The following SNX9 variants were observed in gnomAD, a reference collection of about 807,000 sequenced individuals.
SNX9 encodes sorting nexin 9, also known as sorting nexin-9.
SNX9 carries 44 observed loss-of-function variants against 89.4 expected under a neutral mutation model. The observed-to-expected ratio is 0.49, with a 90% CI of 0.39 to 0.63. The LOEUF is 0.63. SNX9 is among the 30% of genes least tolerant of loss of function. The probability of loss-of-function intolerance (pLI) is 0.00; values close to 1 mark genes in which losing one functional copy is unlikely to be tolerated. For synonymous variants in SNX9, 236 were observed against 247.8 expected (o/e 0.95, Z 0.45); for missense variants, 578 against 736.1 (o/e 0.79, Z 2.49).
At chr6:157,941,482 G>A (rs550678944) in intron 17 of SNX9, among the ~76,000 whole-genome samples, 121 of 152,272 alleles carry the variant, frequency 7.9e-4, no homozygotes, top group African/African-American at 2.8e-3. Context: ...AAACAATAAC[G>A]AAAACTTAAA....
intron 1 of SNX9, among the ~76,000 whole-genome samples, chr6:157,838,812 G>A (rs1781635980): frequency 6.6e-6 from 1 of 152,176 alleles, no homozygotes; most frequent in Non-Finnish European, 1.5e-5. Flanking sequence ...TTCCCTGGTT[G>A]TACTCTAAAA....
At chr6:157,890,498 C>A (rs949948369) in intron 4 of SNX9, among the ~76,000 whole-genome samples, 1 of 152,150 alleles carries the variant, frequency 6.6e-6, no homozygotes, top group Non-Finnish European at 1.5e-5. Flanking sequence ...GTATATTGCT[C>A]CTGGGCCTAA....
intron 12 of SNX9, among the ~76,000 whole-genome samples, chr6:157,929,053 G>T (rs550560307): frequency 6.6e-6 from 1 of 152,098 alleles, no homozygotes; most frequent in Non-Finnish European, 1.5e-5. Context: ...CATCCATTTG[G>T]TAAGATGTTG....
intron 4 of SNX9, 107 bp from the exon 5 acceptor site, chr6:157,896,720 T>C (rs541672162): frequency 7.2e-4 from 885 of 1,234,730 alleles, no homozygotes; most frequent in Non-Finnish European, 7.5e-4. Flanking sequence ...TTTCTATTAA[T>C]TGTTTTTAGT....
At position 157,943,009 on chromosome 6, in the gene SNX9, T is replaced by C. The variant is rs1784074479; in HGVS notation, c.*171T>C. On this transcript the variant is annotated 3_prime_UTR_variant, in exon 18 of 18. Coordinates refer to ENST00000392185, the MANE Select transcript of SNX9 (RefSeq NM_016224.5). ...AGCCACCCTAAATGCGTCAGTTATT[T>C]AGGGATGGTCTTTTGTTCATTTCCG... is the stretch of plus-strand genomic sequence containing the variant. 2 of 559,898 alleles carry C rather than the reference T, an allele frequency of 3.6e-6. No homozygotes were observed. The highest frequency in any genetic ancestry group is 7.3e-5 in the Admixed American group (2 of 27,370). The allele number at this position is 559,898 out of a possible 1,614,324, so 34.7% of individuals were successfully genotyped here.
chr6:157,869,577 C>T (rs564271048), intron 2 of SNX9, among the ~76,000 whole-genome samples: 397 of 152,298 alleles, frequency 2.6e-3, no homozygotes, highest in Middle Eastern at 6.8e-3. Flanking sequence ...CTCCACCCTG[C>T]GCTTCCTGCC....
chr6:157,897,032 GC>G (rs781257878), intron 5 of SNX9, 34 bp downstream of exon 5: 2 of 1,373,332 alleles, frequency 1.5e-6, no homozygotes, highest in Non-Finnish European at 1.9e-6. Context: ...CACCCTGCCC[GC>G]CCATGGCTGA....
intron 1 of SNX9, among the ~76,000 whole-genome samples, chr6:157,853,276 G>C (rs1781947149): frequency 6.6e-6 from 1 of 151,942 alleles, no homozygotes; most frequent in Non-Finnish European, 1.5e-5. Flanking sequence ...GGTGACATTT[G>C]GCTTGTACAT....
At chr6:157,850,426 G>T (rs1335512984) in intron 1 of SNX9, among the ~76,000 whole-genome samples, 1 of 152,164 alleles carries the variant, frequency 6.6e-6, no homozygotes, top group Non-Finnish European at 1.5e-5. Flanking sequence ...CCTTTTTAAG[G>T]ATGTGACAGA....
At chr6:157,920,591 G>A (rs60058086) in intron 9 of SNX9, among the ~76,000 whole-genome samples, 4,555 of 152,250 alleles carry the variant, frequency 0.03, 221 homozygotes, top group African/African-American at 0.1. Flanking sequence ...AGTTCTTCAA[G>A]CATAAACACT....
chr6:157,919,656 T>C (rs1243554824), intron 9 of SNX9, among the ~76,000 whole-genome samples: 1 of 152,232 alleles, frequency 6.6e-6, no homozygotes, highest in Non-Finnish European at 1.5e-5. Flanking sequence ...TTGAAAATCC[T>C]TATAGAATCT....
At position 157,891,388 on chromosome 6, in the gene SNX9, C is replaced by G. The variant is rs769384674; in HGVS notation, c.301-5439C>G. Among the ~76,000 whole-genome samples the G allele has an allele frequency of 2.0e-5, 3 of 152,070 alleles. No homozygotes were observed. The East Asian group carries it at 5.8e-4, about 29-fold the overall frequency. ...TCACTTATTCTGTGATCGACCACAA[C>G]AAGTTAATTTTTTCAAAAAGACTCA... On this transcript the variant is annotated intron_variant, in intron 4 of 17. Coordinates refer to ENST00000392185, the MANE Select transcript of SNX9 (RefSeq NM_016224.5).
chr6:157,844,639 G>C (rs1781769889), intron 1 of SNX9, among the ~76,000 whole-genome samples: 1 of 145,044 alleles, frequency 6.9e-6, no homozygotes, highest in African/African-American at 2.6e-5. Context: ...TGTTGCCCAG[G>C]CTGGAGTGCA....
At chr6:157,936,087 GTCC>G (rs1783918893) in intron 14 of SNX9, 47 bp downstream of exon 14, 2 of 1,449,436 alleles carry the variant, frequency 1.4e-6, no homozygotes, top group African/African-American at 2.9e-5. Context: ...TTGCTATCTA[GTCC>G]ACATATTTAA....
At chr6:157,848,664 G>A (rs188425319) in intron 1 of SNX9, among the ~76,000 whole-genome samples, 8 of 152,354 alleles carry the variant, frequency 5.3e-5, no homozygotes, top group Non-Finnish European at 1.5e-5. Context: ...GGTGGCAGAT[G>A]CCGTGCTACC....
chr6:157,935,123 A>G (rs750001985), intron 13 of SNX9, among the ~76,000 whole-genome samples: 1 of 152,226 alleles, frequency 6.6e-6, no homozygotes, highest in Admixed American at 6.5e-5. Context: ...TTTGAAAACT[A>G]TAAAGAGAAA....
chr6:157,823,405 G>C lies in SNX9; in HGVS notation c.-30G>C. 7.9e-7 allele frequency: 1 copy of C among 1,258,428 alleles called. No homozygotes were observed. The highest frequency in any genetic ancestry group is 1.0e-6 in the Non-Finnish European group (1 of 996,808). The allele number at this position is 1,258,428 out of a possible 1,614,324, so 78.0% of individuals were successfully genotyped here. A position where few individuals can be genotyped will look rare whatever the true frequency, so the allele number is the denominator to read the frequency against. ...CCATCCGCGGCGCGGGAGACGAGCC[G>C]GCCGTCCCGGGCCGGGGGACCCGCC... is the stretch of plus-strand genomic sequence containing the variant. On this transcript the variant is annotated 5_prime_UTR_variant, in exon 1 of 18. Transcript: ENST00000392185. The surrounding 1 kb of genome is among the most constrained non-coding windows in gnomAD (Gnocchi z 4.6).
intron 1 of SNX9, among the ~76,000 whole-genome samples, chr6:157,858,272 G>A (rs527740030): frequency 1.1e-3 from 168 of 148,680 alleles, no homozygotes; most frequent in African/African-American, 3.9e-3. Flanking sequence ...TTGAGATGGA[G>A]TTTTGCTCTT....
At chr6:157,893,786 A>C (rs1322497025) in intron 4 of SNX9, among the ~76,000 whole-genome samples, 1 of 152,202 alleles carries the variant, frequency 6.6e-6, no homozygotes, top group Non-Finnish European at 1.5e-5. Flanking sequence ...ATTTTAACTC[A>C]ACATTCTAAT....
Sources: gnomAD v4.1 joint callset for allele counts (sites outside exome capture counted in the v4.1 genomes callset) on GRCh38, gnomAD v4.1.1 for gene constraint, Gnocchi (gnomAD v3.1) non-coding constraint, MANE v1.5 for transcripts, NCBI Gene and HGNC (gene_info 2026-07-23, HGNC 2026-07-21) for gene names.